Variants in CFAP299 observed in about 807,000 individuals in gnomAD.
CFAP299 encodes the protein cilia- and flagella-associated protein 299.
A neutral mutation model predicts 27.0 loss-of-function variants in CFAP299; 21 were observed. The observed-to-expected ratio is 0.78, with a 90% CI of 0.55 to 1.12. CFAP299 has a LOEUF of 1.12. CFAP299 is among the 50% of genes most tolerant of loss of function. The pLI is 0.00. For missense variants in CFAP299, 310 were observed against 276.6 expected, an observed-to-expected ratio of 1.12 and a Z score of -0.86; for synonymous variants, 104 against 98.1, an observed-to-expected ratio of 1.06 and a Z score of -0.36.
chr4:80,562,769 A>C (rs1015938283), intron 2 of CFAP299, among the ~76,000 whole-genome samples: 3 of 151,500 alleles, frequency 2.0e-5, no homozygotes, highest in East Asian at 3.9e-4. Context: ...GGATTAAAAA[A>C]TCCAGACCCA....
chr4:80,916,145 C>G (rs989825615), intron 4 of CFAP299, among the ~76,000 whole-genome samples: 2 of 149,524 alleles, frequency 1.3e-5, no homozygotes, highest in Non-Finnish European at 3.0e-5. Flanking sequence ...GCCTGTAATC[C>G]TAGCTATTCA....
intron 2 of CFAP299, among the ~76,000 whole-genome samples, chr4:80,470,679 A>T (rs1427230952): frequency 4.6e-5 from 7 of 152,166 alleles, no homozygotes; most frequent in Non-Finnish European, 8.8e-5. Context: ...GATTAATAGC[A>T]TGACATACTA....
chr4:80,824,300 C>G (rs1729864174), intron 3 of CFAP299, among the ~76,000 whole-genome samples: 1 of 152,154 alleles, frequency 6.6e-6, no homozygotes, highest in African/African-American at 2.4e-5. Context: ...TACCCATCCT[C>G]TACCTCCAAC....
At chr4:80,652,200 A>C (rs1740338072) in intron 3 of CFAP299, among the ~76,000 whole-genome samples, 1 of 152,128 alleles carries the variant, frequency 6.6e-6, no homozygotes, top group Admixed American at 6.6e-5. Context: ...TAGAACTTTA[A>C]TGTTGCCAGA....
chr4:80,481,491 C>T (rs951558335), intron 2 of CFAP299, among the ~76,000 whole-genome samples: 2 of 152,002 alleles, frequency 1.3e-5, no homozygotes, highest in African/African-American at 4.8e-5. Flanking sequence ...ATCTATTTTA[C>T]TGGCTTTTTA....
chr4:80,350,764 T>C (rs1183223962), intron 1 of CFAP299, among the ~76,000 whole-genome samples: 1 of 151,878 alleles, frequency 6.6e-6, no homozygotes, highest in Non-Finnish European at 1.5e-5. Context: ...AGGGGAATAT[T>C]ACACACCCGG....
At chr4:80,730,304 C>T (rs1293256222) in intron 3 of CFAP299, among the ~76,000 whole-genome samples, 1 of 129,936 alleles carries the variant, frequency 7.7e-6, no homozygotes, top group Non-Finnish European at 1.6e-5. Flanking sequence ...GTGTGTATGA[C>T]CTGACCTCCG....
At chr4:80,632,608 A>G (rs1739269583) in intron 3 of CFAP299, among the ~76,000 whole-genome samples, 1 of 152,150 alleles carries the variant, frequency 6.6e-6, no homozygotes, top group African/African-American at 2.4e-5. Context: ...TGGCATGCAG[A>G]GGCAGATTAA....
At chr4:80,955,019 AAAAAAAAAAAAAAAAC>A (rs1447219240) in intron 5 of CFAP299, among the ~76,000 whole-genome samples, 3,556 of 140,762 alleles carry the variant, frequency 0.025, 610 homozygotes, top group African/African-American at 0.09. Flanking sequence ...AAAAAAAAAA[AAAAAAAAAAAAAAAAC>A]GCACACATGG....
chr4:80,400,960 C>T lies in CFAP299; in HGVS notation c.242+38076C>T, dbSNP rs376234862. ...CTTGTTGGGATCTGGAGTAAAATGACTGTTGCTATGTTTCATCAAAGAGAC... is the reference window on the plus strand; with the variant it reads ...CTTGTTGGGATCTGGAGTAAAATGATTGTTGCTATGTTTCATCAAAGAGAC... On this transcript the variant is annotated intron_variant, in intron 2 of 5. Transcript: ENST00000358105. 2.6e-5 allele frequency among the ~76,000 whole-genome samples: 4 copies of T among 152,280 alleles called. No homozygotes were observed. In the East Asian group the frequency reaches 5.8e-4, roughly 22 times the overall value.
chr4:80,915,675 C>T (rs1217015000), intron 4 of CFAP299, among the ~76,000 whole-genome samples: 1 of 151,986 alleles, frequency 6.6e-6, no homozygotes, highest in Non-Finnish European at 1.5e-5. Flanking sequence ...ACATGTTATC[C>T]TACTGAGCCA....
intron 2 of CFAP299, among the ~76,000 whole-genome samples, chr4:80,564,357 A>T (rs932041754): frequency 5.9e-5 from 9 of 152,072 alleles, no homozygotes; most frequent in African/African-American, 2.2e-4. Flanking sequence ...TATCCCTAGG[A>T]TGCAAAGATG....
At chr4:80,914,504 G>A (rs1358691487) in intron 4 of CFAP299, among the ~76,000 whole-genome samples, 2 of 152,044 alleles carry the variant, frequency 1.3e-5, no homozygotes, top group African/African-American at 4.8e-5. Context: ...CATCCCTCCA[G>A]TTATAACAAC....
chr4:80,920,572 T>C (rs1735994189), intron 4 of CFAP299, among the ~76,000 whole-genome samples: 1 of 152,190 alleles, frequency 6.6e-6, no homozygotes, highest in African/African-American at 2.4e-5. Context: ...TGCTTTTAGC[T>C]CTTTTACATG....
chr4:80,653,024 G>A (rs1366357522), intron 3 of CFAP299, among the ~76,000 whole-genome samples: 5 of 152,106 alleles, frequency 3.3e-5, no homozygotes, highest in Non-Finnish European at 7.4e-5. Flanking sequence ...TATTTCTCAT[G>A]TGAATTTAGA....
At chr4:80,868,572 C>A (rs937913954) in intron 3 of CFAP299, among the ~76,000 whole-genome samples, 2 of 152,110 alleles carry the variant, frequency 1.3e-5, no homozygotes, top group African/African-American at 4.8e-5. Flanking sequence ...TCATGGAAAC[C>A]TTGCTTGAAT....
rs141788623 is a variant in CFAP299, at chr4:80,613,404, C to T, written c.333+30221C>T. Among the ~76,000 whole-genome samples the T allele has an allele frequency of 5.1e-3, 778 of 152,104 alleles. 5 individuals carry two copies. The highest frequency in any genetic ancestry group is 0.02 in the Middle Eastern group (6 of 294). On this transcript the variant is annotated intron_variant, in intron 3 of 5. Coordinates refer to ENST00000358105, the MANE Select transcript of CFAP299 (RefSeq NM_152770.3). ...ATTTAACTCTAAAACTGATGTAGTA[C>T]GTATGTTAATTCAAATAGATTTAAA...
At chr4:80,890,453 A>G (rs1025110433) in intron 4 of CFAP299, among the ~76,000 whole-genome samples, 1 of 152,210 alleles carries the variant, frequency 6.6e-6, no homozygotes, top group Admixed American at 6.5e-5. Flanking sequence ...GAAAACCTAT[A>G]AAAGACTGAT....
chr4:80,674,351 C>T (rs972107111), intron 3 of CFAP299, among the ~76,000 whole-genome samples: 2 of 152,106 alleles, frequency 1.3e-5, no homozygotes, highest in Non-Finnish European at 2.9e-5. Flanking sequence ...ATATTGGCCC[C>T]CACTCTCTTC....
Sources: gnomAD v4.1 joint callset for allele counts (sites outside exome capture counted in the v4.1 genomes callset) on GRCh38, gnomAD v4.1.1 for gene constraint, MANE v1.5 for transcripts, NCBI Gene and HGNC (gene_info 2026-07-23, HGNC 2026-07-21) for gene names.